The following BAALC variants were observed in gnomAD, a reference collection of about 807,000 sequenced individuals.
The protein encoded by BAALC is BAALC binder of MAP3K1 and KLF4.
A neutral mutation model predicts 15.5 loss-of-function variants in BAALC; 9 were observed. That is an observed-to-expected ratio of 0.58 (90% CI 0.35 to 1.02). The LOEUF (loss-of-function observed/expected upper bound fraction) is 1.02. Ranked by LOEUF, BAALC falls within the 50% of genes least tolerant of loss-of-function variation. The pLI, the probability that BAALC is intolerant of heterozygous loss-of-function variation, is 0.02. For missense variants in BAALC, 201 were observed against 192.4 expected (o/e 1.04, Z -0.27); for synonymous variants, 80 against 74.6 (o/e 1.07, Z -0.37).
chr8:103,161,958 G>GA (rs1811234805), intron 1 of BAALC, among the ~76,000 whole-genome samples: 2 of 39,966 alleles, frequency 5.0e-5, no homozygotes, highest in Non-Finnish European at 1.4e-4. Context: ...TTCTTTGTTT[G>GA]TTTTTTGTTT....
chr8:103,222,634 T>G (rs1462362036), intron 2 of BAALC, among the ~76,000 whole-genome samples: 2 of 152,226 alleles, frequency 1.3e-5, no homozygotes, highest in South Asian at 2.1e-4. Flanking sequence ...TTCAAAAGCT[T>G]CTCTTTCATA....
chr8:103,193,982 A>G (rs1023593902), intron 1 of BAALC, among the ~76,000 whole-genome samples: 2 of 152,218 alleles, frequency 1.3e-5, no homozygotes, highest in African/African-American at 4.8e-5. Context: ...AAATTCAGAG[A>G]TATGCCAATG....
chr8:103,168,785 G>A (rs1367049474), intron 1 of BAALC, among the ~76,000 whole-genome samples: 1 of 152,038 alleles, frequency 6.6e-6, no homozygotes, highest in Non-Finnish European at 1.5e-5. Flanking sequence ...CCTGTATTCT[G>A]TGTCTTTCTC....
intron 1 of BAALC, among the ~76,000 whole-genome samples, chr8:103,158,938 G>A (rs1811161775): frequency 6.6e-6 from 1 of 152,048 alleles, no homozygotes; most frequent in Non-Finnish European, 1.5e-5. Context: ...ATCTCACCAC[G>A]AAGAAAGATA....
intron 1 of BAALC, chr8:103,171,869 A>C (rs1279857999): frequency 6.6e-6 from 1 of 152,190 alleles, no homozygotes; most frequent in South Asian, 2.1e-4. Flanking sequence ...AAATAGCCCC[A>C]AAACTAGATT....
chr8:103,223,986 C>T (rs1253421434), intron 2 of BAALC, among the ~76,000 whole-genome samples: 6 of 152,268 alleles, frequency 3.9e-5, no homozygotes, highest in Non-Finnish European at 7.4e-5. Context: ...TAGTGACACC[C>T]GGAATGGAAG....
intron 2 of BAALC, among the ~76,000 whole-genome samples, chr8:103,227,171 G>T (rs188851464): frequency 1.3e-5 from 2 of 152,192 alleles, no homozygotes; most frequent in Non-Finnish European, 2.9e-5. Flanking sequence ...TCCTGACTGT[G>T]TGTGTGCGTG....
intron 1 of BAALC, chr8:103,141,429 C>A: frequency 4.7e-6 from 1 of 211,174 alleles, no homozygotes; most frequent in Non-Finnish European, 9.4e-6. Flanking sequence ...CCGCTTTGGC[C>A]CATCTGCCAT....
At chr8:103,149,139 T>C (rs1209654883) in intron 1 of BAALC, among the ~76,000 whole-genome samples, 1 of 150,790 alleles carries the variant, frequency 6.6e-6, no homozygotes, top group Non-Finnish European at 1.5e-5. Flanking sequence ...GGGTCCATTG[T>C]GCTGTGCTGC....
At chr8:103,200,854 C>T (rs953170189) in intron 1 of BAALC, 68 of 562,188 alleles carry the variant, frequency 1.2e-4, no homozygotes, top group Non-Finnish European at 2.2e-4. Flanking sequence ...TCCTAAAGGT[C>T]CTGCCTCTTA....
At chr8:103,214,899 G>A (rs142964322) in intron 2 of BAALC, 1 of 152,350 alleles carries the variant, frequency 6.6e-6, no homozygotes, top group African/African-American at 2.4e-5. Context: ...GTTCTGTATT[G>A]TCTACTTTGC....
At chr8:103,225,820 C>G (rs1386690766) in intron 2 of BAALC, among the ~76,000 whole-genome samples, 1 of 152,130 alleles carries the variant, frequency 6.6e-6, no homozygotes, top group Non-Finnish European at 1.5e-5. Flanking sequence ...CCAACAGTCA[C>G]AGCAGCTGGG....
At chr8:103,196,447 A>AT (rs1182095841) in intron 1 of BAALC, among the ~76,000 whole-genome samples, 2 of 151,838 alleles carry the variant, frequency 1.3e-5, no homozygotes, top group African/African-American at 2.4e-5. Flanking sequence ...TGCCTGGCTA[A>AT]TTTTTTTATT....
chr8:103,209,241 G>A (rs1372848842), intron 1 of BAALC, among the ~76,000 whole-genome samples: 5 of 152,046 alleles, frequency 3.3e-5, no homozygotes, highest in Non-Finnish European at 1.5e-5. Flanking sequence ...GTGTGGTAGC[G>A]CATGCCTGTA....
intron 2 of BAALC, among the ~76,000 whole-genome samples, chr8:103,224,208 ACT>A (rs1443998147): frequency 6.6e-6 from 1 of 151,828 alleles, no homozygotes; most frequent in African/African-American, 2.4e-5. Flanking sequence ...AAAGAGTCAA[ACT>A]CTGTAAAATA....
intron 1 of BAALC, among the ~76,000 whole-genome samples, chr8:103,168,049 T>C (rs772263447): frequency 1.3e-5 from 2 of 152,194 alleles, no homozygotes; most frequent in Non-Finnish European, 2.9e-5. Flanking sequence ...GTAAACTAGT[T>C]TTTTATTTAT....
At chr8:103,193,519 G>A (rs1812021411) in intron 1 of BAALC, among the ~76,000 whole-genome samples, 1 of 152,184 alleles carries the variant, frequency 6.6e-6, no homozygotes, top group African/African-American at 2.4e-5. Context: ...GGGGAACTGT[G>A]AAATTAGCCC....
intron 1 of BAALC, among the ~76,000 whole-genome samples, chr8:103,174,012 G>A (rs1013958559): frequency 2.0e-5 from 3 of 152,210 alleles, no homozygotes; most frequent in African/African-American, 7.2e-5. Context: ...TTCTCACAAT[G>A]AGAAAGGTTG....
At chr8:103,223,319 C>T (rs558200526) in intron 2 of BAALC, among the ~76,000 whole-genome samples, 1 of 106,410 alleles carries the variant, frequency 9.4e-6, no homozygotes, top group African/African-American at 3.0e-5. Context: ...CAAAACAAAA[C>T]AAACAAACAA....
Sources: allele counts gnomAD v4.1 joint callset (sites outside exome capture counted in the v4.1 genomes callset), GRCh38; gene constraint gnomAD v4.1.1; transcripts MANE v1.5; gene names NCBI Gene and HGNC (gene_info 2026-07-23, HGNC 2026-07-21).